Variants in TLL2 observed in about 807,000 individuals in gnomAD.
TLL2 encodes tolloid like 2.
A neutral mutation model predicts 123.0 loss-of-function variants in TLL2; 106 were observed. The ratio of observed to expected loss-of-function variants is 0.86; its 90% CI spans 0.74 to 1.01. The LOEUF (loss-of-function observed/expected upper bound fraction) is 1.01. TLL2 is among the 50% of genes least tolerant of loss of function. The pLI, the probability that TLL2 is intolerant of heterozygous loss-of-function variation, is 0.00. For missense variants in TLL2, 1,332 were observed against 1,336.7 expected (o/e 1.00, Z 0.06); for synonymous variants, 494 against 516.8 (o/e 0.96, Z 0.60).
At chr10:96,434,756 C>T (rs1846776691) in intron 3 of TLL2, among the ~76,000 whole-genome samples, 1 of 152,172 alleles carries the variant, frequency 6.6e-6, no homozygotes, top group Admixed American at 6.5e-5. Flanking sequence ...TTTTGAGAAA[C>T]TACCAGACTG....
Position 96,386,147 on chromosome 10 carries a change from G to A in TLL2, c.1921C>T (p.Pro641Ser). ...TGCCAGACACAGTTTTTGTTTGTGG[G>A]ATACTCCTTCGGCCACCCAGGGCTG... ...ITSPGWPKEY[P>S]TNKNCVWQVV... Residue 641 changes from proline (P) to serine (S), a missense_variant, in exon 15 of 21, where the codon CCC (proline) becomes TCC (serine). Pro to Ser is a moderately conservative substitution (Grantham distance 74). Coordinates refer to ENST00000357947, the MANE Select transcript of TLL2 (RefSeq NM_012465.4). 1 of 1,613,160 alleles carries A rather than the reference G, an allele frequency of 6.2e-7. No homozygotes were observed. Among genetic ancestry groups the A allele is most frequent in the Non-Finnish European group, 8.5e-7 (1 of 1,179,526 alleles).
intron 2 of TLL2, among the ~76,000 whole-genome samples, chr10:96,465,546 G>A (rs758006633): frequency 2.0e-5 from 3 of 152,190 alleles, no homozygotes; most frequent in Non-Finnish European, 4.4e-5. Flanking sequence ...AAGAAAAGAG[G>A]CACCAGAAGA....
At chr10:96,432,282 A>G (rs1353581731) in intron 4 of TLL2, among the ~76,000 whole-genome samples, 1 of 152,162 alleles carries the variant, frequency 6.6e-6, no homozygotes, top group East Asian at 1.9e-4. Flanking sequence ...GAGGGAACTG[A>G]GGCACAGAGA....
chr10:96,383,760 A>G (rs538495454), intron 16 of TLL2, among the ~76,000 whole-genome samples: 1 of 150,652 alleles, frequency 6.6e-6, no homozygotes, highest in South Asian at 2.1e-4. Context: ...AGCTGGGATT[A>G]CAGGCACACA....
At chr10:96,402,892 C>T (rs752982468) in intron 10 of TLL2, among the ~76,000 whole-genome samples, 2 of 152,176 alleles carry the variant, frequency 1.3e-5, no homozygotes. Context: ...GCAGTGACAC[C>T]CCACAGTTTA....
chr10:96,382,108 C>T (rs1006105479), intron 16 of TLL2, among the ~76,000 whole-genome samples: 3 of 152,042 alleles, frequency 2.0e-5, no homozygotes, highest in African/African-American at 7.2e-5. Flanking sequence ...TGCTCTGTCA[C>T]CCAACCTCTG....
chr10:96,459,684 A>AT (rs1847054256), intron 2 of TLL2, among the ~76,000 whole-genome samples: 2 of 54,138 alleles, frequency 3.7e-5, no homozygotes, highest in Non-Finnish European at 7.3e-5. Context: ...AAAAAAAAAA[A>AT]AAAAAAAAAA....
Position 96,384,695 on chromosome 10 carries a change from C to G in TLL2, c.2086G>C (p.Gly696Arg), listed in dbSNP as rs746060649. The change falls in exon 16 of 21, where the codon GGC becomes CGC. Residue 696 changes from glycine to arginine, a missense_variant. Transcript: ENST00000357947. ...GTGATGACCTCCGGCGTCTCAGAGC[C>G]GCAGAACCTGCCGTGCAGCTTGGCG... ...PDAKLHGRFC[G>R]SETPEVITSQ... 1 of 1,612,866 alleles carries G rather than the reference C, an allele frequency of 6.2e-7. No homozygotes were observed. The highest frequency in any genetic ancestry group is 8.5e-7 in the Non-Finnish European group (1 of 1,179,178).
At chr10:96,378,471 A>G (rs1846157280) in intron 17 of TLL2, among the ~76,000 whole-genome samples, 1 of 152,248 alleles carries the variant, frequency 6.6e-6, no homozygotes, top group African/African-American at 2.4e-5. Context: ...TGGGACCTGC[A>G]TATGGTAATT....
At chr10:96,385,921 T>A in intron 15 of TLL2, 134 bp downstream of exon 15, 1 of 868,902 alleles carries the variant, frequency 1.2e-6, no homozygotes, top group Non-Finnish European at 1.6e-6. Context: ...CAGATTCTGC[T>A]AGCGCAGGTC....
chr10:96,396,173 C>G (rs1349566035), intron 11 of TLL2, among the ~76,000 whole-genome samples, 153 bp from the exon 12 acceptor site: 1 of 152,148 alleles, frequency 6.6e-6, no homozygotes, highest in Non-Finnish European at 1.5e-5. Flanking sequence ...CACCGCGCCT[C>G]CAGAAAGGCA....
intron 20 of TLL2, 110 bp from the exon 21 acceptor site, chr10:96,368,332 C>G: frequency 7.6e-7 from 1 of 1,320,104 alleles, no homozygotes; most frequent in Non-Finnish European, 1.0e-6. Context: ...TCTCTGGTAC[C>G]AGAGACTCTG....
At chr10:96,475,542 C>A (rs1365785249) in intron 2 of TLL2, among the ~76,000 whole-genome samples, 5 of 152,166 alleles carry the variant, frequency 3.3e-5, no homozygotes, top group Non-Finnish European at 5.9e-5. Context: ...GCACATCTAG[C>A]AAATGAGGCT....
At chr10:96,376,895 T>A in intron 17 of TLL2, 76 bp from the exon 18 acceptor site, 1 of 1,404,138 alleles carries the variant, frequency 7.1e-7, no homozygotes. Context: ...TCTAGGGGGG[T>A]CTCCTCCCCT....
At position 96,386,743 on chromosome 10, in the gene TLL2, G is replaced by C. The variant is rs187698501; in HGVS notation, c.1852+210C>G. The stretch of plus-strand genomic sequence containing the variant: ...ACCATGGCCTTGATTTCAGTCTCTA[G>C]GGCAGAGTCTATGTAATTTGGGCAG... On this transcript the variant is annotated intron_variant, in intron 14 of 20. Transcript: ENST00000357947. Among the ~76,000 whole-genome samples, 260 of 152,278 alleles carry C rather than the reference G, an allele frequency of 1.7e-3. 2 individuals carry two copies. Among genetic ancestry groups the C allele is most frequent in the Admixed American group, 0.015 (228 of 15,308 alleles).
intron 8 of TLL2, among the ~76,000 whole-genome samples, 179 bp downstream of exon 8, chr10:96,413,013 T>G (rs1846521525): frequency 6.6e-6 from 1 of 152,234 alleles, no homozygotes. Context: ...CTTCACTGCC[T>G]GCCACCATGT....
At chr10:96,498,982 T>C (rs990712058) in intron 1 of TLL2, among the ~76,000 whole-genome samples, 2 of 152,240 alleles carry the variant, frequency 1.3e-5, no homozygotes, top group Non-Finnish European at 2.9e-5. Context: ...GATACCAATA[T>C]ATTGCCTCTT....
Position 96,455,228 on chromosome 10 carries a change from C to CA in TLL2, c.287-9061dup, listed in dbSNP as rs200082233. Among the ~76,000 whole-genome samples the CA allele has an allele frequency of 4.9e-3, 731 of 148,374 alleles. 5 individuals are homozygous for CA. Among genetic ancestry groups the CA allele is most frequent in the African/African-American group, 0.017 (675 of 40,542 alleles). On this transcript the variant is annotated intron_variant, in intron 2 of 20. Coordinates refer to ENST00000357947, the MANE Select transcript of TLL2 (RefSeq NM_012465.4). ...TGGGTGACAGAGTGAGACTCCGCCT[C>CA]AAAAAAAATAAAATTAAATAAATAA... is the stretch of plus-strand genomic sequence containing the variant.
intron 16 of TLL2, among the ~76,000 whole-genome samples, chr10:96,384,380 T>C (rs1846210575): frequency 6.6e-6 from 1 of 152,202 alleles, no homozygotes; most frequent in African/African-American, 2.4e-5. Context: ...TTTGTGGTAA[T>C]TTGTTATGGC....
Sources: gnomAD v4.1 joint callset for allele counts (sites outside exome capture counted in the v4.1 genomes callset) on GRCh38, gnomAD v4.1.1 for gene constraint, MANE v1.5 for transcripts, NCBI Gene and HGNC (gene_info 2026-07-23, HGNC 2026-07-21) for gene names.